FLRT2: variants seen among roughly 807,000 people sequenced by gnomAD.
FLRT2 encodes the protein fibronectin leucine rich transmembrane protein 2.
In FLRT2, 15 loss-of-function variants were observed where a neutral mutation model predicts 40.0. The ratio of observed to expected loss-of-function variants is 0.38; its 90% CI spans 0.25 to 0.58. The LOEUF is 0.58. Ranked by LOEUF, FLRT2 falls within the 20% of genes least tolerant of loss-of-function variation. The probability of loss-of-function intolerance (pLI) is 0.71; values close to 1 mark genes in which losing one functional copy is unlikely to be tolerated. For missense variants in FLRT2, 726 were observed against 840.0 expected (o/e 0.86, Z 1.68); for synonymous variants, 380 against 336.8 (o/e 1.13, Z -1.41).
intron 1 of FLRT2, among the ~76,000 whole-genome samples, chr14:85,598,675 A>G (rs1489899338): frequency 6.6e-6 from 1 of 152,170 alleles, no homozygotes; most frequent in Non-Finnish European, 1.5e-5. Flanking sequence ...GAAACCTTAG[A>G]TGTTATAAAA....
intron 1 of FLRT2, among the ~76,000 whole-genome samples, chr14:85,586,829 C>T (rs2139884163): frequency 6.6e-6 from 1 of 152,268 alleles, no homozygotes; most frequent in Admixed American, 6.5e-5. Flanking sequence ...GATATAGAAT[C>T]AGTTTAGTCG....
At chr14:85,616,367 G>A (rs184633050) in intron 1 of FLRT2, among the ~76,000 whole-genome samples, 1 of 150,188 alleles carries the variant, frequency 6.7e-6, no homozygotes, top group African/African-American at 2.4e-5. Flanking sequence ...AATTCATCTT[G>A]TAAAGCAACT....
rs796717792 is a variant in FLRT2 at position 85,649,178 on chromosome 14, A to G, written c.*25681A>G. 3.5e-4 allele frequency: 54 copies of G among 152,268 alleles called. No individual in the cohort carries two copies. The highest frequency in any genetic ancestry group is 1.3e-3 in the African/African-American group (52 of 41,572). The allele number at this position is 152,268 out of a possible 1,614,324, so 9.4% of individuals were successfully genotyped here. ...ATGATTTTAGAATCTGGAAATTTAC[A>G]AACTATTAATTTTCTTTTCTACAGT... On this transcript the variant is annotated 3_prime_UTR_variant, in exon 2 of 2. Coordinates refer to ENST00000330753, the MANE Select transcript of FLRT2 (RefSeq NM_013231.6).
At chr14:85,579,513 AT>A (rs770407799) in intron 1 of FLRT2, among the ~76,000 whole-genome samples, 13 of 152,092 alleles carry the variant, frequency 8.5e-5, no homozygotes, top group Non-Finnish European at 1.9e-4. Context: ...GTGTCGGAAA[AT>A]TTATAAATGA....
chr14:85,556,364 T>A (rs1469439325), intron 1 of FLRT2, among the ~76,000 whole-genome samples: 1 of 152,234 alleles, frequency 6.6e-6, no homozygotes, highest in African/African-American at 2.4e-5. Context: ...CCATTTCCCA[T>A]ACAAGTAGTG....
Position 85,622,316 on chromosome 14 carries a change from C to A in FLRT2, c.802C>A (p.Pro268Thr), listed in dbSNP as rs768174334. 6.2e-7 allele frequency: 1 copy of A among 1,613,988 alleles called. No individual in the cohort carries two copies. The highest frequency in any genetic ancestry group is 8.5e-7 in the Non-Finnish European group (1 of 1,180,028). The change falls in exon 2 of 2, where the codon CCT becomes ACT. Residue 268 changes from proline (P) to threonine (T), a missense_variant. This residue lies in a region of FLRT2 where 611 missense variants were observed against 690.0 expected (regional missense o/e 0.89). Coordinates refer to ENST00000330753, the MANE Select transcript of FLRT2 (RefSeq NM_013231.6). ...GCAGGACAACCAGATAAACCACATT[C>A]CTTTGACAGCCTTCTCAAATCTGCG... ...YLQDNQINHI[P>T]LTAFSNLRKL...
rs554986569 is a variant in FLRT2 at position 85,621,882 on chromosome 14, C to T, written c.368C>T (p.Thr123Ile). 1.2e-6 allele frequency: 2 copies of T among 1,610,342 alleles called. No individual in the cohort carries two copies. The highest frequency in any genetic ancestry group is 4.5e-5 in the East Asian group (2 of 44,846). ...CATTTGCAGGAAAACAATATTCAGACCATTTCACGGGCTGCTCTTGCCCAG... is the reference window on the plus strand; with the variant it reads ...CATTTGCAGGAAAACAATATTCAGATCATTTCACGGGCTGCTCTTGCCCAG... Reference protein sequence around the residue: ...VLHLQENNIQTISRAALAQLL... With the variant: ...VLHLQENNIQIISRAALAQLL... Residue 123 changes from threonine (T) to isoleucine (I), a missense_variant, in exon 2 of 2, where the codon ACC (threonine) becomes ATC (isoleucine). Thr to Ile is a moderately conservative substitution (Grantham distance 89). Around this residue, in one of 3 missense-constraint regions of FLRT2, gnomAD observed 9 missense variants for 28.8 expected, o/e 0.31. Coordinates refer to ENST00000330753, the MANE Select transcript of FLRT2 (RefSeq NM_013231.6).
chr14:85,556,819 G>A (rs1889989613), intron 1 of FLRT2, among the ~76,000 whole-genome samples: 1 of 152,156 alleles, frequency 6.6e-6, no homozygotes, highest in Non-Finnish European at 1.5e-5. Context: ...TACCTTTTGT[G>A]ATATTAGTCT....
In FLRT2 at chr14:85,639,299, T is replaced by A. The variant is rs1210074335; in HGVS notation, c.*15802T>A. On this transcript the variant is annotated 3_prime_UTR_variant, in exon 2 of 2. Coordinates refer to ENST00000330753, the MANE Select transcript of FLRT2 (RefSeq NM_013231.6). ...GTTGTTTATGAGCATGCCTTCTCGTTAAGTTGACAAAATCTTGACAGGAGT... is the reference window on the plus strand; with the variant it reads ...GTTGTTTATGAGCATGCCTTCTCGTAAAGTTGACAAAATCTTGACAGGAGT... 6.6e-6 allele frequency: 1 copy of A among 152,210 alleles called. No homozygotes were observed. The highest frequency in any genetic ancestry group is 1.5e-5 in the Non-Finnish European group (1 of 68,034). The allele number at this position is 152,210 out of a possible 1,614,324, so 9.4% of individuals were successfully genotyped here. A position where few individuals can be genotyped will look rare whatever the true frequency, so the allele number is the denominator to read the frequency against.
intron 1 of FLRT2, among the ~76,000 whole-genome samples, chr14:85,613,950 A>G (rs1261714251): frequency 6.6e-6 from 1 of 152,222 alleles, no homozygotes; most frequent in Non-Finnish European, 1.5e-5. Flanking sequence ...TGGATTCAGT[A>G]CAACCAACTC....
chr14:85,549,386 G>A (rs1889475781), intron 1 of FLRT2, among the ~76,000 whole-genome samples: 1 of 152,196 alleles, frequency 6.6e-6, no homozygotes, highest in African/African-American at 2.4e-5. Flanking sequence ...CTCTTGTCCT[G>A]GCCTCTGCAC....
At position 85,628,669 on chromosome 14, in the gene FLRT2, A is replaced by G. The variant is rs1031538968; in HGVS notation, c.*5172A>G. On this transcript the variant is annotated 3_prime_UTR_variant, in exon 2 of 2. Transcript: ENST00000330753. Reference sequence around the variant, plus strand: ...TTTGACAGAGATTGAATCAGGAAATAAATTCATGACATTTCAGTTAACTAG... The same window carrying G: ...TTTGACAGAGATTGAATCAGGAAATGAATTCATGACATTTCAGTTAACTAG... The G allele has an allele frequency of 1.3e-5, 2 of 152,212 alleles. No individual in the cohort carries two copies. Among genetic ancestry groups the G allele is most frequent in the African/African-American group, 4.8e-5 (2 of 41,456 alleles). 9.4% of individuals were successfully genotyped at this position (152,212 alleles called of 1,614,324 possible).
At position 85,651,650 on chromosome 14, in the gene FLRT2, T is replaced by A. The variant is rs1274517144; in HGVS notation, c.*28153T>A. On this transcript the variant is annotated 3_prime_UTR_variant, in exon 2 of 2. Coordinates refer to ENST00000330753, the MANE Select transcript of FLRT2 (RefSeq NM_013231.6). ...CTTTAAACTCTATTTTGATTGTTTT[T>A]AATCTGATCATACAGACTTTTATTT... is the stretch of plus-strand genomic sequence containing the variant. 1 of 152,118 alleles carries A rather than the reference T, an allele frequency of 6.6e-6. No homozygotes were observed. The highest frequency in any genetic ancestry group is 1.5e-5 in the Non-Finnish European group (1 of 67,970). 9.4% of individuals were successfully genotyped at this position (152,118 alleles called of 1,614,324 possible).
rs1286613208 is a variant in FLRT2, at chr14:85,623,189, C to G, written c.1675C>G (p.Leu559Val). 1 of 1,551,236 alleles carries G rather than the reference C, an allele frequency of 6.4e-7. No individual in the cohort carries two copies. Among genetic ancestry groups the G allele is most frequent in the Admixed American group, 1.9e-5 (1 of 51,382 alleles). Residue 559 changes from leucine to valine, a missense_variant, in exon 2 of 2, where the codon CTC (leucine) becomes GTC (valine). By Grantham distance (32) the Leu-to-Val change is conservative (BLOSUM62 1). Transcript: ENST00000330753. The part of the protein sequence containing the change: ...GAVIFVLVVL[L>V]SVFCWHMHKK... Reference sequence around the variant, plus strand: ...GGTGATATTTGTGCTGGTGGTCTTGCTCAGCGTCTTTTGCTGGCATATGCA... The same window carrying G: ...GGTGATATTTGTGCTGGTGGTCTTGGTCAGCGTCTTTTGCTGGCATATGCA...
chr14:85,591,641 G>A (rs532233392), intron 1 of FLRT2, among the ~76,000 whole-genome samples: 64 of 152,362 alleles, frequency 4.2e-4, no homozygotes, highest in African/African-American at 1.5e-3. Context: ...CACTTGAAAT[G>A]TAACAGGTGA....
intron 1 of FLRT2, among the ~76,000 whole-genome samples, chr14:85,605,334 C>CA (rs1384128801): frequency 6.6e-6 from 1 of 152,110 alleles, no homozygotes; most frequent in Non-Finnish European, 1.5e-5. Flanking sequence ...AGTTTTGCCT[C>CA]AAAAAGTCAT....
intron 1 of FLRT2, among the ~76,000 whole-genome samples, chr14:85,549,344 C>T (rs939666352): frequency 7.2e-5 from 11 of 152,276 alleles, no homozygotes; most frequent in East Asian, 3.9e-4. Flanking sequence ...TGGGCCTGCA[C>T]GGAGTTTTGC....
At chr14:85,604,694 A>G (rs1224158060) in intron 1 of FLRT2, among the ~76,000 whole-genome samples, 1 of 152,148 alleles carries the variant, frequency 6.6e-6, no homozygotes, top group Non-Finnish European at 1.5e-5. Context: ...TGTTTTTGAA[A>G]TTGGACTAAT....
rs1894269363 is a variant in FLRT2 at position 85,645,270 on chromosome 14, GT to G, written c.*21774del. 8.0e-6 allele frequency: 1 copy of G among 125,654 alleles called. No individual in the cohort carries two copies. Among genetic ancestry groups the G allele is most frequent in the Non-Finnish European group, 1.7e-5 (1 of 59,614 alleles). The allele number at this position is 125,654 out of a possible 1,614,324, so 7.8% of individuals were successfully genotyped here. On this transcript the variant is annotated 3_prime_UTR_variant, in exon 2 of 2. Coordinates refer to ENST00000330753, the MANE Select transcript of FLRT2 (RefSeq NM_013231.6). ...TATACATGTGTATATATGTATACAT[GT>G]GTATATATGTATATACATATATGTA...
Sources: allele counts gnomAD v4.1 joint callset (sites outside exome capture counted in the v4.1 genomes callset), GRCh38; gene constraint gnomAD v4.1.1; regional missense constraint gnomAD v4.1.1; transcripts MANE v1.5; gene names NCBI Gene and HGNC (gene_info 2026-07-23, HGNC 2026-07-21).